CASZ1: variants seen among roughly 807,000 people sequenced by gnomAD.
CASZ1 encodes zinc finger protein castor homolog 1.
CASZ1 carries 28 observed loss-of-function variants against 135.2 expected under a neutral mutation model. That is an observed-to-expected ratio of 0.21 (90% CI 0.15 to 0.28). The LOEUF (loss-of-function observed/expected upper bound fraction) is 0.28, where lower values mean the gene tolerates loss of function less well. CASZ1 is among the 10% of genes least tolerant of loss of function. CASZ1 has a pLI of 1.00. For synonymous variants in CASZ1, 1,068 were observed against 1,073.4 expected (o/e 0.99, Z 0.10); for missense variants, 2,161 against 2,453.3 (o/e 0.88, Z 2.52).
chr1:10,763,873 T>A (rs1640423131), intron 1 of CASZ1, among the ~76,000 whole-genome samples: 1 of 152,198 alleles, frequency 6.6e-6, no homozygotes, highest in Non-Finnish European at 1.5e-5. Context: ...TTTTCTGTTT[T>A]CTTTTTTGAG....
At chr1:10,689,901 G>C (rs1352360366) in intron 4 of CASZ1, among the ~76,000 whole-genome samples, 1 of 152,218 alleles carries the variant, frequency 6.6e-6, no homozygotes, top group Non-Finnish European at 1.5e-5. Flanking sequence ...ACAAACCTCT[G>C]TTTGAATGGT....
At position 10,665,230 on chromosome 1, in the gene CASZ1, C is replaced by A; in HGVS notation, c.358G>T (p.Gly120Cys). The change falls in exon 5 of 21, where the codon GGT becomes TGT. Residue 120 changes from glycine to cysteine, a missense_variant. Physicochemically the swap from Gly to Cys is radical, Grantham distance 159 (BLOSUM62 -3). Around this residue, in one of 7 missense-constraint regions of CASZ1, gnomAD observed 590 missense variants for 609.8 expected, o/e 0.97. Transcript: ENST00000377022. ...CCCTGGGGCTGCACCATGTAGACAC[C>A]CTCGGGAGGCAGCTCCAGGCCCTCG... ...AREGLELPPEGVYMVQPQGCS... is the reference protein window; with the variant it reads ...AREGLELPPECVYMVQPQGCS... 6.3e-7 allele frequency: 1 copy of A among 1,598,542 alleles called. No homozygotes were observed. Among genetic ancestry groups the A allele is most frequent in the Non-Finnish European group, 8.5e-7 (1 of 1,170,916 alleles).
At chr1:10,677,522 G>T (rs932832554) in intron 4 of CASZ1, among the ~76,000 whole-genome samples, 2 of 152,186 alleles carry the variant, frequency 1.3e-5, no homozygotes, top group East Asian at 3.8e-4. Context: ...AAGGAGGGCA[G>T]CCTGCACTTA....
In CASZ1 at chr1:10,700,076, TAG is replaced by T. The variant is rs978449245; in HGVS notation, c.-24+5414_-24+5415del. Among the ~76,000 whole-genome samples, 5 of 56,504 alleles carry T rather than the reference TAG, an allele frequency of 8.8e-5. No individual in the cohort carries two copies. The highest frequency in any genetic ancestry group is 4.1e-4 in the African/African-American group (4 of 9,810). 37.1% of individuals were successfully genotyped at this position (56,504 alleles called of 152,430 possible). On this transcript the variant is annotated intron_variant, in intron 3 of 20. Coordinates refer to ENST00000377022, the MANE Select transcript of CASZ1 (RefSeq NM_001079843.3). The surrounding 1 kb of genome is among the most constrained non-coding windows in gnomAD (Gnocchi z 4.2). ...AGAGAGACAGAGAGAGAAAGAGAGA[TAG>T]AGACACACACACACACACACACACA...
chr1:10,775,524 G>A (rs1376457573), intron 1 of CASZ1, among the ~76,000 whole-genome samples: 3 of 152,104 alleles, frequency 2.0e-5, no homozygotes, highest in African/African-American at 7.2e-5. Context: ...GGAGAAGGTG[G>A]GACCTCAGCT....
Position 10,794,947 on chromosome 1 carries a change from G to A in CASZ1, c.-234+1617C>T, listed in dbSNP as rs1641036287. 6.6e-6 allele frequency among the ~76,000 whole-genome samples: 1 copy of A among 150,586 alleles called. No homozygotes were observed. The highest frequency in any genetic ancestry group is 2.4e-5 in the African/African-American group (1 of 41,038). On this transcript the variant is annotated intron_variant, in intron 1 of 20. Transcript: ENST00000377022. The surrounding 1 kb of genome is among the most constrained non-coding windows in gnomAD (Gnocchi z 5.6). The stretch of plus-strand genomic sequence containing the variant: ...CCCAGCGCGCCTCTGCCCGCACCTC[G>A]CCACCCCGGCGGCCGCCCCCTCCCC...
chr1:10,649,460 A>C, intron 13 of CASZ1, 23 bp from the exon 14 acceptor site: 2 of 1,593,844 alleles, frequency 1.3e-6, no homozygotes, highest in Non-Finnish European at 1.7e-6. Context: ...GAGGCCGAGC[A>C]TGGGGCTGGG....
intron 2 of CASZ1, among the ~76,000 whole-genome samples, chr1:10,758,933 G>A (rs779311698): frequency 9.2e-5 from 14 of 152,188 alleles, no homozygotes; most frequent in Non-Finnish European, 1.5e-5. Flanking sequence ...CAAGACAGCC[G>A]ATGCTAGGAT....
In CASZ1 at chr1:10,755,475, C is replaced by T. The variant is rs1487888169; in HGVS notation, c.-77+5226G>A. On this transcript the variant is annotated intron_variant, in intron 2 of 20. Coordinates refer to ENST00000377022, the MANE Select transcript of CASZ1 (RefSeq NM_001079843.3). The surrounding 1 kb of genome is among the most constrained non-coding windows in gnomAD (Gnocchi z 4.3). ...TCGTCCACCACACCGCGTCAACCCTCCCAAATCCACGGGTTGTCCCATCCT... is the reference window on the plus strand; with the variant it reads ...TCGTCCACCACACCGCGTCAACCCTTCCAAATCCACGGGTTGTCCCATCCT... 1.3e-5 allele frequency among the ~76,000 whole-genome samples: 2 copies of T among 152,168 alleles called. No individual in the cohort carries two copies. The highest frequency in any genetic ancestry group is 4.8e-5 in the African/African-American group (2 of 41,450).
Position 10,653,925 on chromosome 1 carries a change from C to A in CASZ1, c.2132G>T (p.Gly711Val), listed in dbSNP as rs777780071. Residue 711 changes from glycine (G) to valine (V), a missense_variant, in exon 11 of 21, where the codon GGC (glycine) becomes GTC (valine). Transcript: ENST00000377022. ...GALGLPPSLL[G>V]AKDTEHEESS... is the part of the protein sequence containing the mutation. The stretch of plus-strand genomic sequence containing the variant: ...CTCCTCGTGCTCCGTGTCCTTGGCG[C>A]CCAGCAGCGAGGGCGGCAGCCCCAG... 1 of 1,613,574 alleles carries A rather than the reference C, an allele frequency of 6.2e-7. No homozygotes were observed. The highest frequency in any genetic ancestry group is 1.1e-5 in the South Asian group (1 of 91,038).
intron 1 of CASZ1, among the ~76,000 whole-genome samples, chr1:10,781,629 C>A (rs997119051): frequency 3.9e-5 from 6 of 152,220 alleles, no homozygotes; most frequent in African/African-American, 1.4e-4. Context: ...GACGCTTCAG[C>A]CTGGCCTTGG....
Position 10,688,437 on chromosome 1 carries a change from G to T in CASZ1, c.16+5437C>A, listed in dbSNP as rs1638662939. ...GCAAGAGTTCTGCTCTTGGAGGGAGGGGGAGGACAAGGCGCAGAGAGAAGG... is the reference window on the plus strand; with the variant it reads ...GCAAGAGTTCTGCTCTTGGAGGGAGTGGGAGGACAAGGCGCAGAGAGAAGG... On this transcript the variant is annotated intron_variant, in intron 4 of 20. Coordinates refer to ENST00000377022, the MANE Select transcript of CASZ1 (RefSeq NM_001079843.3). Among the ~76,000 whole-genome samples the T allele has an allele frequency of 2.0e-5, 3 of 152,156 alleles. No homozygotes were observed. In the South Asian group the frequency reaches 6.2e-4, roughly 32 times the overall value.
At chr1:10,691,657 T>C (rs1181669521) in intron 4 of CASZ1, among the ~76,000 whole-genome samples, 1 of 152,178 alleles carries the variant, frequency 6.6e-6, no homozygotes, top group Non-Finnish European at 1.5e-5. Context: ...GCCCCAGCTG[T>C]ATGCCGTGTG....
chr1:10,760,137 A>G (rs1000339367), intron 2 of CASZ1, among the ~76,000 whole-genome samples: 6 of 152,194 alleles, frequency 3.9e-5, no homozygotes, highest in African/African-American at 1.2e-4. Context: ...CTTCTCCTCT[A>G]TGAAGGGTCC....
At chr1:10,655,587 C>A in intron 9 of CASZ1, 62 bp downstream of exon 9, 1 of 1,500,242 alleles carries the variant, frequency 6.7e-7, no homozygotes, top group South Asian at 1.2e-5. Context: ...GTGGGGGGCT[C>A]AGAGCCGGGA....
intron 2 of CASZ1, among the ~76,000 whole-genome samples, chr1:10,734,278 GA>G (rs36012614): frequency 0.098 from 9,977 of 101,686 alleles, 992 homozygotes; most frequent in African/African-American, 0.31. Context: ...GAAGAAGCAA[GA>G]AAAAAAAAAA....
intron 1 of CASZ1, among the ~76,000 whole-genome samples, chr1:10,773,304 A>C (rs191428724): frequency 6.7e-6 from 1 of 149,626 alleles, no homozygotes; most frequent in Non-Finnish European, 1.5e-5. Context: ...CCATCCCCAC[A>C]CTCCGTTAGG....
chr1:10,764,019 C>T (rs866449152), intron 1 of CASZ1, among the ~76,000 whole-genome samples: 5 of 152,188 alleles, frequency 3.3e-5, no homozygotes, highest in East Asian at 1.9e-4. Context: ...AGTGCCACCA[C>T]GCCTGGCTAA....
intron 7 of CASZ1, chr1:10,658,295 A>G (rs1396241310): frequency 7.4e-6 from 4 of 540,480 alleles, no homozygotes; most frequent in Non-Finnish European, 1.3e-5. Flanking sequence ...TGCTGAGGGA[A>G]TGTGTGGCCT....
Sources: allele counts gnomAD v4.1 joint callset (sites outside exome capture counted in the v4.1 genomes callset), GRCh38; gene constraint gnomAD v4.1.1; regional missense constraint gnomAD v4.1.1; non-coding constraint Gnocchi (gnomAD v3.1); transcripts MANE v1.5; gene names NCBI Gene and HGNC (gene_info 2026-07-23, HGNC 2026-07-21).